Variants in VEPH1 observed in about 807,000 individuals in gnomAD.
VEPH1 encodes the protein ventricular zone-expressed PH domain-containing protein homolog 1.
VEPH1 carries 80 observed loss-of-function variants against 85.2 expected under a neutral mutation model. The observed-to-expected ratio is 0.94, with a 90% CI of 0.78 to 1.13. The LOEUF is 1.13. Among genes scored for constraint, VEPH1 ranks in the 50% most tolerant of loss-of-function variants. VEPH1 has a pLI of 0.00. For synonymous variants in VEPH1, 297 were observed against 348.0 expected, an observed-to-expected ratio of 0.85 and a Z score of 1.63; for missense variants, 955 against 980.5, an observed-to-expected ratio of 0.97 and a Z score of 0.35.
chr3:157,359,137 T>C (rs921890418), intron 9 of VEPH1, among the ~76,000 whole-genome samples: 2 of 152,374 alleles, frequency 1.3e-5, no homozygotes, highest in East Asian at 3.9e-4. Flanking sequence ...TTTCACCCAA[T>C]CAGGAAATAC....
At chr3:157,311,755 C>G (rs900640754) in intron 11 of VEPH1, among the ~76,000 whole-genome samples, 1 of 151,892 alleles carries the variant, frequency 6.6e-6, no homozygotes, top group South Asian at 2.1e-4. Context: ...TTTTAATTTA[C>G]TGGTTGCCTC....
chr3:157,430,775 A>G (rs1280255153), intron 4 of VEPH1, among the ~76,000 whole-genome samples: 2 of 152,202 alleles, frequency 1.3e-5, no homozygotes, highest in East Asian at 3.8e-4. Flanking sequence ...GATGTTCCAA[A>G]ATTTCTTTGT....
At chr3:157,471,089 A>G (rs1340636019) in intron 2 of VEPH1, among the ~76,000 whole-genome samples, 2 of 152,226 alleles carry the variant, frequency 1.3e-5, no homozygotes, top group East Asian at 1.9e-4. Context: ...ACTGAGAAAT[A>G]ATGGGACCTC....
At chr3:157,463,388 C>T (rs1736059414) in intron 3 of VEPH1, among the ~76,000 whole-genome samples, 1 of 152,190 alleles carries the variant, frequency 6.6e-6, no homozygotes, top group Non-Finnish European at 1.5e-5. Flanking sequence ...TATAGCAGTT[C>T]CTCTCAGTAG....
At chr3:157,424,773 TG>T (rs1418726078) in intron 5 of VEPH1, among the ~76,000 whole-genome samples, 33 of 152,172 alleles carry the variant, frequency 2.2e-4, no homozygotes, top group Non-Finnish European at 4.7e-4. Context: ...AGAGGTGACT[TG>T]GGTGCTGTTA....
At position 157,437,029 on chromosome 3, in the gene VEPH1, C is replaced by T. The variant is rs1195234969; in HGVS notation, c.530-8541G>A. On this transcript the variant is annotated intron_variant, in intron 4 of 13. Transcript: ENST00000362010. ...ATCTCATGTATGTGAATTTGGACAA[C>T]GAAATAGACAATGGACTCCATCCCA... 5 of 1,614,024 alleles carry T rather than the reference C, an allele frequency of 3.1e-6. No homozygotes were observed. The South Asian group carries it at 5.5e-5, about 18-fold the overall frequency.
chr3:157,273,296 A>ATGACAG (rs1189097378), intron 12 of VEPH1, among the ~76,000 whole-genome samples: 1 of 152,236 alleles, frequency 6.6e-6, no homozygotes, highest in Non-Finnish European at 1.5e-5. Context: ...AAACACAAAT[A>ATGACAG]TGACAGTCTC....
Position 157,364,380 on chromosome 3 carries a change from G to A in VEPH1, c.1260C>T (p.Ser420=). The A allele has an allele frequency of 5.0e-6, 8 of 1,613,936 alleles. No homozygotes were observed. The highest frequency in any genetic ancestry group is 6.8e-6 in the Non-Finnish European group (8 of 1,179,918). The change falls in exon 8 of 14, where the codon AGC becomes AGT. Residue 420 remains serine, a synonymous_variant. Transcript: ENST00000362010. The part of the protein sequence containing the change: ...QAFEDKINAG[S]NTPGSIRRYS... ...ATCTTCTGATAGAGCCAGGGGTATT[G>A]CTCCCTGCATTTATCTTGTCTTCAA...
In VEPH1 at chr3:157,381,551, C is replaced by T. The variant is rs978770594; in HGVS notation, c.907-175G>A. ...TGGGCAACATGGTAACACCCCATCT[C>T]AACTTAAAAATACAAAAACTAGCCG... On this transcript the variant is annotated intron_variant, in intron 6 of 13. Transcript: ENST00000362010. The T allele has an allele frequency of 5.7e-5, 35 of 615,880 alleles. No homozygotes were observed. The Middle Eastern group carries it at 1.7e-3, about 31-fold the overall frequency. The allele number at this position is 615,880 out of a possible 1,614,324, so 38.2% of individuals were successfully genotyped here. A position where few individuals can be genotyped will look rare whatever the true frequency, so the allele number is the denominator to read the frequency against.
In VEPH1 at chr3:157,428,330, G is replaced by GT. The variant is rs1240884977; in HGVS notation, c.687dup (p.Gln230ThrfsTer22). On this transcript the variant is annotated frameshift_variant, in exon 5 of 14. Coordinates refer to ENST00000362010, the MANE Select transcript of VEPH1 (RefSeq NM_001167912.2). LOFTEE classifies it high-confidence loss of function. ...TACAATGTACTTTTTACCTCGAGTT[G>GT]TTTTTTCTTTGCTGCTACATGCAAA... 2 of 1,614,074 alleles carry GT rather than the reference G, an allele frequency of 1.2e-6. No individual in the cohort carries two copies. Among genetic ancestry groups the GT allele is most frequent in the Admixed American group, 1.7e-5 (1 of 59,998 alleles).
At chr3:157,437,658 G>T in intron 4 of VEPH1, 1 of 1,542,174 alleles carries the variant, frequency 6.5e-7, no homozygotes. Context: ...GGGAGGAGCT[G>T]GGCCGGCTCG....
At chr3:157,401,016 A>G (rs1730752695) in intron 6 of VEPH1, among the ~76,000 whole-genome samples, 1 of 152,116 alleles carries the variant, frequency 6.6e-6, no homozygotes, top group Non-Finnish European at 1.5e-5. Flanking sequence ...CAATGGCCCC[A>G]CTATTTCTTT....
intron 11 of VEPH1, among the ~76,000 whole-genome samples, chr3:157,309,443 G>A (rs772326948): frequency 6.6e-6 from 1 of 152,098 alleles, no homozygotes; most frequent in Non-Finnish European, 1.5e-5. Flanking sequence ...TAAGCCAGGC[G>A]ATGCTCTAGG....
chr3:157,283,793 C>CTTTTTTATTTCAA lies in VEPH1; in HGVS notation c.2128+2763_2128+2764insTTGAAATAAAAAA, dbSNP rs1716428060. Among the ~76,000 whole-genome samples, 10 of 152,292 alleles carry CTTTTTTATTTCAA rather than the reference C, an allele frequency of 6.6e-5. No individual in the cohort carries two copies. In the South Asian group the frequency reaches 2.1e-3, roughly 32 times the overall value. On this transcript the variant is annotated intron_variant, in intron 12 of 13. Coordinates refer to ENST00000362010, the MANE Select transcript of VEPH1 (RefSeq NM_001167912.2). Reference sequence around the variant, plus strand: ...TGGACAGCATTAAAAAATATTGAAACGTGAATACTTGAAAACAATTACTGT... The same window carrying CTTTTTTATTTCAA: ...TGGACAGCATTAAAAAATATTGAAACTTTTTTATTTCAAGTGAATACTTGAAAACAATTACTGT...
At chr3:157,315,930 C>T (rs1394931205) in intron 10 of VEPH1, 1 of 151,634 alleles carries the variant, frequency 6.6e-6, no homozygotes, top group Non-Finnish European at 1.5e-5. Flanking sequence ...TTCAAGAAAA[C>T]GAAAGACAGT....
intron 9 of VEPH1, among the ~76,000 whole-genome samples, chr3:157,359,449 A>T (rs562829391): frequency 6.6e-6 from 1 of 152,250 alleles, no homozygotes; most frequent in African/African-American, 2.4e-5. Context: ...CTAGAGACCT[A>T]CAAGGCTCAG....
intron 10 of VEPH1, among the ~76,000 whole-genome samples, chr3:157,314,532 A>G (rs375641651): frequency 2.0e-5 from 3 of 151,972 alleles, no homozygotes; most frequent in East Asian, 3.9e-4. Context: ...ATGTTCTTTA[A>G]CTGGAACATG....
chr3:157,441,006 G>A (rs952310119), intron 4 of VEPH1, among the ~76,000 whole-genome samples: 6 of 152,208 alleles, frequency 3.9e-5, no homozygotes, highest in Non-Finnish European at 8.8e-5. Context: ...CAGCTCTTAA[G>A]TGCTACATAC....
chr3:157,334,300 G>A (rs1288338104), intron 9 of VEPH1, among the ~76,000 whole-genome samples: 1 of 152,104 alleles, frequency 6.6e-6, no homozygotes, highest in Non-Finnish European at 1.5e-5. Context: ...CAATTCTCGG[G>A]ATATACCATG....
Sources: allele counts gnomAD v4.1 joint callset (sites outside exome capture counted in the v4.1 genomes callset), GRCh38; gene constraint gnomAD v4.1.1; transcripts MANE v1.5; gene names NCBI Gene and HGNC (gene_info 2026-07-23, HGNC 2026-07-21).